The following MTUS1 variants were observed in gnomAD, a reference collection of about 807,000 sequenced individuals.
The protein encoded by MTUS1 is microtubule-associated tumor suppressor 1.
In MTUS1, 109 loss-of-function variants were observed where a neutral mutation model predicts 120.8. The observed-to-expected ratio is 0.90, with a 90% CI of 0.77 to 1.06. The LOEUF is 1.06. Among genes scored for constraint, MTUS1 ranks in the 50% least tolerant of loss-of-function variants. The probability of loss-of-function intolerance (pLI) is 0.00; values close to 1 mark genes in which losing one functional copy is unlikely to be tolerated. For synonymous variants in MTUS1, 737 were observed against 550.5 expected (o/e 1.34, Z -4.74); for missense variants, 2,210 against 1,486.3 (o/e 1.49, Z -8.01).
intron 1 of MTUS1, among the ~76,000 whole-genome samples, chr8:17,760,491 C>A (rs1298882259): frequency 6.6e-6 from 1 of 152,170 alleles, no homozygotes. Flanking sequence ...ACCACCACCA[C>A]CACCATGAAG....
chr8:17,663,951 A>C (rs1456137756), intron 8 of MTUS1: 9 of 152,260 alleles, frequency 5.9e-5, no homozygotes, highest in African/African-American at 1.4e-4. Context: ...CTTCTCTAGA[A>C]GATGAAATAG....
chr8:17,756,671 A>ACCCC lies in MTUS1; in HGVS notation c.-154-714_-154-711dup, dbSNP rs1177055386. On this transcript the variant is annotated intron_variant, in intron 1 of 14. Transcript: ENST00000693296. Reference sequence around the variant, plus strand: ...TCTCCAATTCATATGTCAAGCCCAAACCCCCACCCCTTATGTAACTATGTT... The same window carrying ACCCC: ...TCTCCAATTCATATGTCAAGCCCAAACCCCCCCCCACCCCTTATGTAACTATGTT... 5.0e-4 allele frequency among the ~76,000 whole-genome samples: 59 copies of ACCCC among 117,482 alleles called. 1 individual carries two copies. The highest frequency in any genetic ancestry group is 4.5e-3 in the East Asian group (17 of 3,744). The allele number at this position is 117,482 out of a possible 152,430, so 77.1% of individuals were successfully genotyped here.
At position 17,644,327 on chromosome 8, in the gene MTUS1, G is replaced by A. The variant is rs1805396495; in HGVS notation, c.*1599C>T. 1 of 152,606 alleles carries A rather than the reference G, an allele frequency of 6.6e-6. No individual in the cohort carries two copies. The highest frequency in any genetic ancestry group is 1.5e-5 in the Non-Finnish European group (1 of 68,038). 9.5% of individuals were successfully genotyped at this position (152,606 alleles called of 1,614,324 possible). On this transcript the variant is annotated 3_prime_UTR_variant, in exon 15 of 15. Coordinates refer to ENST00000693296, the MANE Select transcript of MTUS1 (RefSeq NM_001363059.2). Reference sequence around the variant, plus strand: ...CTTGCTATGTAGTGTACATGTAAATGACCCAAATATTCACCTCTAGCATCC... The same window carrying A: ...CTTGCTATGTAGTGTACATGTAAATAACCCAAATATTCACCTCTAGCATCC...
chr8:17,715,429 A>G (rs563696309), intron 5 of MTUS1, among the ~76,000 whole-genome samples: 10 of 152,274 alleles, frequency 6.6e-5, no homozygotes, highest in African/African-American at 2.4e-4. Flanking sequence ...AATAAACATA[A>G]AACATCTACC....
intron 1 of MTUS1, among the ~76,000 whole-genome samples, chr8:17,792,044 C>T (rs773091578): frequency 6.6e-6 from 1 of 152,140 alleles, no homozygotes; most frequent in African/African-American, 2.4e-5. Flanking sequence ...CAGACATGAA[C>T]CCAATTTTGC....
At chr8:17,760,392 C>G (rs1563344235) in intron 1 of MTUS1, among the ~76,000 whole-genome samples, 1 of 152,020 alleles carries the variant, frequency 6.6e-6, no homozygotes, top group Non-Finnish European at 1.5e-5. Flanking sequence ...ATTTGGATAT[C>G]AAAAAGGTTC....
intron 8 of MTUS1, among the ~76,000 whole-genome samples, chr8:17,663,079 G>T (rs1810119199): frequency 8.6e-6 from 1 of 116,278 alleles, no homozygotes; most frequent in Non-Finnish European, 2.0e-5. Context: ...ATCGTAATCA[G>T]TGAAATGCTT....
chr8:17,700,160 G>A, intron 6 of MTUS1, among the ~76,000 whole-genome samples: 1 of 151,880 alleles, frequency 6.6e-6, no homozygotes, highest in Non-Finnish European at 1.5e-5. Context: ...AGTTGTAAAA[G>A]TTAGCTATGA....
chr8:17,692,322 C>A (rs1369003039), intron 6 of MTUS1: 1 of 152,182 alleles, frequency 6.6e-6, no homozygotes, highest in Non-Finnish European at 1.5e-5. Context: ...ACCACCCCTT[C>A]CTCATTTCTT....
intron 8 of MTUS1, among the ~76,000 whole-genome samples, chr8:17,657,144 TAATAA>T (rs1163663863): frequency 6.7e-6 from 1 of 149,736 alleles, no homozygotes; most frequent in Admixed American, 6.7e-5. Context: ...ATTTCAAAAC[TAATAA>T]AAATAAAATA....
chr8:17,727,530 A>C (rs1332933808), intron 3 of MTUS1, among the ~76,000 whole-genome samples: 1 of 152,228 alleles, frequency 6.6e-6, no homozygotes, highest in Admixed American at 6.5e-5. Flanking sequence ...CTATTTCACC[A>C]ACAGTCCCGA....
chr8:17,735,251 T>G (rs1414959605), intron 3 of MTUS1, among the ~76,000 whole-genome samples: 1 of 152,184 alleles, frequency 6.6e-6, no homozygotes, highest in African/African-American at 2.4e-5. Context: ...GGAAAACTTC[T>G]TGCTACTCTA....
chr8:17,695,440 C>A (rs1412045558), intron 6 of MTUS1, among the ~76,000 whole-genome samples: 3 of 152,202 alleles, frequency 2.0e-5, no homozygotes, highest in Non-Finnish European at 2.9e-5. Flanking sequence ...CAGATTAGAT[C>A]ACCTCTATGT....
intron 1 of MTUS1, among the ~76,000 whole-genome samples, chr8:17,764,099 G>A (rs2049268520): frequency 6.6e-6 from 1 of 152,198 alleles, no homozygotes; most frequent in African/African-American, 2.4e-5. Flanking sequence ...GGAAAGAACA[G>A]TGATGATAGA....
intron 1 of MTUS1, among the ~76,000 whole-genome samples, chr8:17,760,605 G>A (rs1430862575): frequency 2.6e-5 from 4 of 152,014 alleles, no homozygotes; most frequent in African/African-American, 4.8e-5. Flanking sequence ...ATTTCTCCCC[G>A]ACTTTAAGAA....
intron 1 of MTUS1, among the ~76,000 whole-genome samples, chr8:17,781,894 C>G (rs962332602): frequency 2.0e-5 from 3 of 152,150 alleles, no homozygotes; most frequent in African/African-American, 7.2e-5. Flanking sequence ...AGAGAGAAAC[C>G]CTTCAGAAGC....
At chr8:17,671,750 T>C (rs1316699111) in intron 8 of MTUS1, among the ~76,000 whole-genome samples, 2 of 152,276 alleles carry the variant, frequency 1.3e-5, no homozygotes, top group East Asian at 1.9e-4. Flanking sequence ...TCAACTTTCA[T>C]TGAGAAGGTG....
At chr8:17,687,473 G>A (rs1816067454) in intron 6 of MTUS1, among the ~76,000 whole-genome samples, 1 of 152,104 alleles carries the variant, frequency 6.6e-6, no homozygotes. Flanking sequence ...GCCAAACTTT[G>A]CCCTTACCCT....
intron 1 of MTUS1, among the ~76,000 whole-genome samples, chr8:17,786,915 A>G (rs1166548866): frequency 6.6e-6 from 1 of 152,228 alleles, no homozygotes; most frequent in Non-Finnish European, 1.5e-5. Context: ...TCAAACCAGC[A>G]TATACTGTTT....
Sources: allele counts gnomAD v4.1 joint callset (sites outside exome capture counted in the v4.1 genomes callset), GRCh38; gene constraint gnomAD v4.1.1; transcripts MANE v1.5; gene names NCBI Gene and HGNC (gene_info 2026-07-23, HGNC 2026-07-21).